DOK6: variants seen among roughly 807,000 people sequenced by gnomAD.
DOK6 encodes the protein docking protein 6.
Under a neutral mutation model 44.0 loss-of-function variants are expected in DOK6, and 22 were observed. The ratio of observed to expected loss-of-function variants is 0.50; its 90% CI spans 0.36 to 0.71. The LOEUF is 0.71. DOK6 is among the 30% of genes least tolerant of loss of function. The pLI, the probability that DOK6 is intolerant of heterozygous loss-of-function variation, is 0.00. For missense variants in DOK6, 340 were observed against 416.4 expected (o/e 0.82, Z 1.60); for synonymous variants, 166 against 145.5 (o/e 1.14, Z -1.01).
intron 7 of DOK6, among the ~76,000 whole-genome samples, chr18:69,796,606 C>T (rs12956254): frequency 1.3e-5 from 2 of 152,164 alleles, no homozygotes; most frequent in African/African-American, 2.4e-5. Context: ...ACCAGTCTTT[C>T]TCATGAAATA....
At chr18:69,621,353 A>G (rs980047430) in intron 3 of DOK6, among the ~76,000 whole-genome samples, 2 of 152,172 alleles carry the variant, frequency 1.3e-5, no homozygotes, top group African/African-American at 4.8e-5. Context: ...TATTATTACT[A>G]TATACCTTAT....
rs185385299 is a variant in DOK6, at chr18:69,552,390, A to G, written c.67-12097A>G. 2.6e-4 allele frequency among the ~76,000 whole-genome samples: 39 copies of G among 152,142 alleles called. 1 individual carries two copies. The East Asian group carries it at 6.6e-3, about 26-fold the overall frequency. Reference sequence around the variant, plus strand: ...ATACTAAATATTCTATATTAAATTTATATTATCTATGTTTGCTCTATATTT... The same window carrying G: ...ATACTAAATATTCTATATTAAATTTGTATTATCTATGTTTGCTCTATATTT... On this transcript the variant is annotated intron_variant, in intron 1 of 7. Coordinates refer to ENST00000382713, the MANE Select transcript of DOK6 (RefSeq NM_152721.6).
At chr18:69,774,133 G>GATATATATAGATATATATATATAT (rs1555670144) in intron 7 of DOK6, among the ~76,000 whole-genome samples, 2 of 66,866 alleles carry the variant, frequency 3.0e-5, no homozygotes, top group East Asian at 1.4e-3. Flanking sequence ...ATATATATGA[G>GATATATATAGATATATATATATAT]ATATATATAT....
At chr18:69,474,046 A>G (rs568771354) in intron 1 of DOK6, among the ~76,000 whole-genome samples, 1 of 152,346 alleles carries the variant, frequency 6.6e-6, no homozygotes, top group African/African-American at 2.4e-5. Context: ...AAATCATGGA[A>G]AGAGGCTTCA....
intron 4 of DOK6, among the ~76,000 whole-genome samples, chr18:69,686,838 T>C (rs940380111): frequency 2.6e-5 from 4 of 152,264 alleles, no homozygotes; most frequent in Non-Finnish European, 5.9e-5. Context: ...TTTCATATCA[T>C]TCAGTGGTTT....
chr18:69,695,859 G>A (rs556067787), intron 4 of DOK6, among the ~76,000 whole-genome samples: 6 of 152,294 alleles, frequency 3.9e-5, no homozygotes, highest in African/African-American at 1.4e-4. Flanking sequence ...AGACTGGAGA[G>A]TTCTAAACCA....
chr18:69,824,888 A>C (rs1440440994), intron 7 of DOK6, among the ~76,000 whole-genome samples: 1 of 152,220 alleles, frequency 6.6e-6, no homozygotes, highest in Non-Finnish European at 1.5e-5. Context: ...TTTTAGTCTT[A>C]GTCTTGAAAA....
chr18:69,442,084 A>C (rs1028890406), intron 1 of DOK6, among the ~76,000 whole-genome samples: 2 of 152,110 alleles, frequency 1.3e-5, no homozygotes, highest in African/African-American at 4.8e-5. Context: ...CTGCATAATT[A>C]ATCAGTCTGT....
At chr18:69,733,168 A>C (rs560328591) in intron 5 of DOK6, among the ~76,000 whole-genome samples, 1 of 151,472 alleles carries the variant, frequency 6.6e-6, no homozygotes, top group Non-Finnish European at 1.5e-5. Flanking sequence ...AGCCTGGGTG[A>C]TAGAGTGAGA....
At chr18:69,526,109 A>G (rs189712068) in intron 1 of DOK6, among the ~76,000 whole-genome samples, 1 of 152,146 alleles carries the variant, frequency 6.6e-6, no homozygotes, top group African/African-American at 2.4e-5. Flanking sequence ...GAATTCACCT[A>G]TTTAATATAT....
intron 1 of DOK6, among the ~76,000 whole-genome samples, chr18:69,521,165 A>C (rs1384799214): frequency 6.6e-6 from 1 of 151,936 alleles, no homozygotes; most frequent in African/African-American, 2.4e-5. Context: ...AACATTATAG[A>C]ATTGTTCTTA....
intron 3 of DOK6, among the ~76,000 whole-genome samples, chr18:69,606,322 AAAT>A (rs1291130435): frequency 2.7e-3 from 294 of 109,658 alleles, no homozygotes; most frequent in African/African-American, 8.3e-3. Context: ...ATAAATAAAT[AAAT>A]AAAATTCCCA....
intron 1 of DOK6, among the ~76,000 whole-genome samples, chr18:69,494,094 C>T (rs1255406806): frequency 6.6e-6 from 1 of 152,122 alleles, no homozygotes; most frequent in Non-Finnish European, 1.5e-5. Context: ...ACAAATTTGG[C>T]AAATATAAAA....
In DOK6 at chr18:69,445,774, G is replaced by A. The variant is rs113759491; in HGVS notation, c.66+44464G>A. Among the ~76,000 whole-genome samples the A allele has an allele frequency of 1.4e-4, 21 of 152,158 alleles. 1 individual carries two copies. Among genetic ancestry groups the A allele is most frequent in the African/African-American group, 5.1e-4 (21 of 41,540 alleles). ...AGTGGCTCATGTCTATAATCCCAGT[G>A]CTTTGAGAGGCTGACACGGGAGGAT... On this transcript the variant is annotated intron_variant, in intron 1 of 7. Coordinates refer to ENST00000382713, the MANE Select transcript of DOK6 (RefSeq NM_152721.6).
chr18:69,811,463 T>TA (rs558519854), intron 7 of DOK6, among the ~76,000 whole-genome samples: 2 of 148,548 alleles, frequency 1.3e-5, no homozygotes, highest in Non-Finnish European at 3.0e-5. Flanking sequence ...TCTGTCTCTA[T>TA]AAAAAAATGT....
chr18:69,656,750 T>C (rs1262843740), intron 3 of DOK6, among the ~76,000 whole-genome samples: 1 of 152,214 alleles, frequency 6.6e-6, no homozygotes, highest in Non-Finnish European at 1.5e-5. Context: ...ATTGTATTTT[T>C]TTCTTATACA....
chr18:69,825,245 A>G lies in DOK6; in HGVS notation c.857-15999A>G, dbSNP rs928708532. Among the ~76,000 whole-genome samples the G allele has an allele frequency of 5.9e-5, 9 of 152,232 alleles. No individual in the cohort carries two copies. In the South Asian group the frequency reaches 1.9e-3, roughly 32 times the overall value. On this transcript the variant is annotated intron_variant, in intron 7 of 7. Transcript: ENST00000382713. The stretch of plus-strand genomic sequence containing the variant: ...TAGAAAAACTTAATTTATGTGACTT[A>G]CCAATTTGCATTAAGTCAATGTTAT...
chr18:69,764,526 T>C (rs1275684895), intron 7 of DOK6, among the ~76,000 whole-genome samples: 1 of 152,164 alleles, frequency 6.6e-6, no homozygotes, highest in Non-Finnish European at 1.5e-5. Flanking sequence ...TTTTTCCCCT[T>C]CATGCTCCAA....
Position 69,752,813 on chromosome 18 carries a change from G to T in DOK6, c.739-4943G>T, listed in dbSNP as rs544225839. The stretch of plus-strand genomic sequence containing the variant: ...TTTCATGCTTCCATAGGTTTCCCTG[G>T]TCCCCTGGTCCCACGGGGTCATGTG... On this transcript the variant is annotated intron_variant, in intron 6 of 7. Transcript: ENST00000382713. Among the ~76,000 whole-genome samples, 11 of 152,224 alleles carry T rather than the reference G, an allele frequency of 7.2e-5. No individual in the cohort carries two copies. In the South Asian group the frequency reaches 2.3e-3, roughly 32 times the overall value.
Sources: gnomAD v4.1 joint callset for allele counts (sites outside exome capture counted in the v4.1 genomes callset) on GRCh38, gnomAD v4.1.1 for gene constraint, MANE v1.5 for transcripts, NCBI Gene and HGNC (gene_info 2026-07-23, HGNC 2026-07-21) for gene names.